The following JAM3 variants were observed in gnomAD, a reference collection of about 807,000 sequenced individuals.
JAM3 encodes junctional adhesion molecule C.
A neutral mutation model predicts 39.4 loss-of-function variants in JAM3; 31 were observed. The ratio of observed to expected loss-of-function variants is 0.79; its 90% CI spans 0.59 to 1.06. The LOEUF (loss-of-function observed/expected upper bound fraction) is 1.06. JAM3 is among the 50% of genes least tolerant of loss of function. JAM3 has a pLI of 0.00. For missense variants in JAM3, 455 were observed against 391.4 expected (o/e 1.16, Z -1.37); for synonymous variants, 182 against 148.7 (o/e 1.22, Z -1.63).
At chr11:134,131,863 T>C (rs1216105098) in intron 1 of JAM3, among the ~76,000 whole-genome samples, 5 of 151,978 alleles carry the variant, frequency 3.3e-5, no homozygotes, top group African/African-American at 9.7e-5. Context: ...ACTAGCAAAG[T>C]AGAAGTTAGG....
At chr11:134,077,895 G>A (rs905557046) in intron 1 of JAM3, among the ~76,000 whole-genome samples, 6 of 151,476 alleles carry the variant, frequency 4.0e-5, no homozygotes, top group East Asian at 2.0e-4. Flanking sequence ...CAGGTGATCC[G>A]CCCGCCTCGG....
intron 1 of JAM3, among the ~76,000 whole-genome samples, chr11:134,106,080 G>C (rs1188952219): frequency 6.6e-6 from 1 of 152,090 alleles, no homozygotes; most frequent in Admixed American, 6.5e-5. Context: ...GAGGCATCAT[G>C]CTACCTGACT....
rs138214860 is a variant in JAM3 at position 134,144,892 on chromosome 11, C to A, written c.510C>A (p.His170Gln). Residue 170 changes from histidine (H) to glutamine (Q), a missense_variant, in exon 5 of 9, where the codon CAC becomes CAA. Transcript: ENST00000299106. Reference protein sequence around the residue: ...CQESEGHPRPHYSWYRNDVPL... With the variant: ...CQESEGHPRPQYSWYRNDVPL... ...AGAGTGAGGGCCACCCCCGGCCTCA[C>A]TACAGCTGGTATCGCAATGATGTAC... 144 of 1,614,106 alleles carry A rather than the reference C, an allele frequency of 8.9e-5. No homozygotes were observed. The highest frequency in any genetic ancestry group is 1.2e-4 in the Non-Finnish European group (137 of 1,180,036).
In JAM3 at chr11:134,149,506, C is replaced by T. The variant is rs79310649; in HGVS notation, c.*325C>T. 1,615 of 503,130 alleles carry T rather than the reference C, an allele frequency of 3.2e-3. 24 individuals are homozygous for T. Among genetic ancestry groups the T allele is most frequent in the African/African-American group, 0.029 (1,496 of 51,882 alleles). 31.2% of individuals were successfully genotyped at this position (503,130 alleles called of 1,614,324 possible). A position where few individuals can be genotyped will look rare whatever the true frequency, so the allele number is the denominator to read the frequency against. On this transcript the variant is annotated 3_prime_UTR_variant, in exon 9 of 9. Coordinates refer to ENST00000299106, the MANE Select transcript of JAM3 (RefSeq NM_032801.5). ...TAAAGAGTTTGCTCACGTAAACGCC[C>T]GTGCTGGGCCCTGTGAAGCCAGCAT...
intron 1 of JAM3, among the ~76,000 whole-genome samples, chr11:134,125,015 C>T (rs538686974): frequency 2.1e-4 from 32 of 152,362 alleles, no homozygotes; most frequent in African/African-American, 7.5e-4. Flanking sequence ...CAGCGCGCGA[C>T]ACCCGCCCGG....
chr11:134,081,644 A>G (rs1941667232), intron 1 of JAM3, among the ~76,000 whole-genome samples: 1 of 152,354 alleles, frequency 6.6e-6, no homozygotes, highest in South Asian at 2.1e-4. Context: ...TCCAGGCAGA[A>G]GTTTGCTGCA....
chr11:134,103,785 G>A (rs2120693099), intron 1 of JAM3, among the ~76,000 whole-genome samples: 1 of 152,234 alleles, frequency 6.6e-6, no homozygotes, highest in East Asian at 1.9e-4. Flanking sequence ...AATGGTAAAG[G>A]GATCAATTCA....
chr11:134,125,453 CTTTT>C (rs1942630588), intron 1 of JAM3, among the ~76,000 whole-genome samples: 1 of 152,104 alleles, frequency 6.6e-6, no homozygotes, highest in Admixed American at 6.6e-5. Flanking sequence ...TTGTTGCTTT[CTTTT>C]TTAGTTCTGG....
intron 1 of JAM3, among the ~76,000 whole-genome samples, chr11:134,111,930 T>A (rs1396201137): frequency 3.9e-5 from 6 of 152,204 alleles, no homozygotes; most frequent in Admixed American, 3.3e-4. Context: ...CTCAGCGATC[T>A]GAAGTCCAGC....
chr11:134,073,861 C>CA (rs1941521588), intron 1 of JAM3, among the ~76,000 whole-genome samples: 1 of 152,162 alleles, frequency 6.6e-6, no homozygotes, highest in Non-Finnish European at 1.5e-5. Flanking sequence ...ATTTCTTAAA[C>CA]ACTCTCTTTG....
intron 1 of JAM3, among the ~76,000 whole-genome samples, chr11:134,076,431 G>A (rs1044318252): frequency 7.9e-5 from 12 of 152,166 alleles, no homozygotes; most frequent in South Asian, 4.1e-4. Context: ...CTGGATCACA[G>A]GTGTGAGCCA....
chr11:134,108,016 C>T (rs910023051), intron 1 of JAM3, among the ~76,000 whole-genome samples: 1 of 151,980 alleles, frequency 6.6e-6, no homozygotes, highest in African/African-American at 2.4e-5. Flanking sequence ...AGTCCAAAAG[C>T]TGTTTCTTTG....
rs1450982044 is a variant in JAM3, at chr11:134,150,780, C to T, written c.*1599C>T. On this transcript the variant is annotated 3_prime_UTR_variant, in exon 9 of 9. Coordinates refer to ENST00000299106, the MANE Select transcript of JAM3 (RefSeq NM_032801.5). Reference sequence around the variant, plus strand: ...GTTCCTCTTTGCCACAGAGAAAGCACCCAGACGCCACAGGCTCTGTCGCAT... The same window carrying T: ...GTTCCTCTTTGCCACAGAGAAAGCATCCAGACGCCACAGGCTCTGTCGCAT... The T allele has an allele frequency of 2.6e-5, 4 of 152,100 alleles. No individual in the cohort carries two copies. The allele number at this position is 152,100 out of a possible 1,614,324, so 9.4% of individuals were successfully genotyped here. A position where few individuals can be genotyped will look rare whatever the true frequency, so the allele number is the denominator to read the frequency against.
In JAM3 at chr11:134,091,185, C is replaced by A. The variant is rs576004186; in HGVS notation, c.76+22026C>A. 1.5e-3 allele frequency among the ~76,000 whole-genome samples: 222 copies of A among 152,134 alleles called. 1 individual carries two copies. The highest frequency in any genetic ancestry group is 1.3e-3 in the Non-Finnish European group (88 of 68,002). ...GACCAGCCTGGGCAACACAGTGAGACCCCCATCTCTATAAAAAATAAAAAT... is the reference window on the plus strand; with the variant it reads ...GACCAGCCTGGGCAACACAGTGAGAACCCCATCTCTATAAAAAATAAAAAT... On this transcript the variant is annotated intron_variant, in intron 1 of 8. Transcript: ENST00000299106.
intron 1 of JAM3, among the ~76,000 whole-genome samples, chr11:134,087,255 G>C (rs1941760743): frequency 6.6e-6 from 1 of 151,978 alleles, no homozygotes; most frequent in Non-Finnish European, 1.5e-5. Context: ...TTAGGAAAAA[G>C]TAGGGAAGAG....
intron 1 of JAM3, among the ~76,000 whole-genome samples, chr11:134,135,803 C>T (rs1942854421): frequency 6.6e-6 from 1 of 151,890 alleles, no homozygotes; most frequent in African/African-American, 2.4e-5. Context: ...GCGCGGTGGC[C>T]CACCCCTGTA....
chr11:134,139,979 G>T, intron 2 of JAM3, 63 bp downstream of exon 2: 1 of 1,257,186 alleles, frequency 8.0e-7, no homozygotes. Context: ...ATGTCTTGCA[G>T]CCAACTCAGG....
chr11:134,085,638 T>C (rs1333308876), intron 1 of JAM3, among the ~76,000 whole-genome samples: 1 of 152,222 alleles, frequency 6.6e-6, no homozygotes, highest in East Asian at 1.9e-4. Context: ...TTGAATCATA[T>C]CATTTGTTGT....
intron 1 of JAM3, among the ~76,000 whole-genome samples, chr11:134,133,854 G>A (rs955751463): frequency 2.0e-5 from 3 of 152,186 alleles, no homozygotes; most frequent in Middle Eastern, 3.4e-3. Flanking sequence ...CTGGCTTTCA[G>A]CAAAAAGTAC....
Sources: allele counts gnomAD v4.1 joint callset (sites outside exome capture counted in the v4.1 genomes callset), GRCh38; gene constraint gnomAD v4.1.1; transcripts MANE v1.5; gene names NCBI Gene and HGNC (gene_info 2026-07-23, HGNC 2026-07-21).